Variants in PCSK5 observed in about 807,000 individuals in gnomAD.
The protein encoded by PCSK5 is prohormone convertase 5.
A neutral mutation model predicts 233.2 loss-of-function variants in PCSK5; 129 were observed. The ratio of observed to expected loss-of-function variants is 0.55; its 90% confidence interval spans 0.48 to 0.64. The LOEUF (loss-of-function observed/expected upper bound fraction) is 0.64, where lower values mean the gene tolerates loss of function less well. PCSK5 is among the 30% of genes least tolerant of loss of function. PCSK5 has a pLI of 0.00. For synonymous variants in PCSK5, 825 were observed against 879.2 expected (o/e 0.94, Z 1.09); for missense variants, 2,076 against 2,430.1 (o/e 0.85, Z 3.06).
chr9:75,952,508 C>G (rs978251112), intron 2 of PCSK5, among the ~76,000 whole-genome samples: 6 of 152,246 alleles, frequency 3.9e-5, no homozygotes, highest in East Asian at 1.9e-4. Context: ...TTGGACAGTT[C>G]TGTTGAATTT....
At chr9:76,063,319 C>CTTTTTTTTTTTT (rs1157596601) in intron 5 of PCSK5, among the ~76,000 whole-genome samples, 11 of 59,676 alleles carry the variant, frequency 1.8e-4, no homozygotes, top group African/African-American at 2.6e-4. Context: ...TTTCTTTTTT[C>CTTTTTTTTTTTT]TTTTTTTTTT....
At chr9:76,171,689 A>G (rs1823337538) in intron 13 of PCSK5, among the ~76,000 whole-genome samples, 1 of 152,132 alleles carries the variant, frequency 6.6e-6, no homozygotes, top group African/African-American at 2.4e-5. Flanking sequence ...AGAGTTACCT[A>G]TTTCATAGCA....
chr9:76,074,538 A>G (rs1307399776), intron 7 of PCSK5, among the ~76,000 whole-genome samples: 1 of 152,200 alleles, frequency 6.6e-6, no homozygotes, highest in Non-Finnish European at 1.5e-5. Flanking sequence ...TTTTCATGTG[A>G]TGAGGTCAAG....
rs577656529 is a variant in PCSK5 at position 76,193,142 on chromosome 9, C to G, written c.2626+3396C>G. 5 of 1,069,060 alleles carry G rather than the reference C, an allele frequency of 4.7e-6. No individual in the cohort carries two copies. In the Admixed American group the frequency reaches 7.9e-5, roughly 17 times the overall value. 66.2% of individuals were successfully genotyped at this position (1,069,060 alleles called of 1,614,324 possible). Reference sequence around the variant, plus strand: ...AATGATCTCTTCCAATTCCCCAAATCTGCCTCTCTGGCCAATCACAACCTT... The same window carrying G: ...AATGATCTCTTCCAATTCCCCAAATGTGCCTCTCTGGCCAATCACAACCTT... On this transcript the variant is annotated intron_variant, in intron 20 of 37. Coordinates refer to ENST00000674117, the MANE Select transcript of PCSK5 (RefSeq NM_001372043.1).
chr9:75,923,802 G>C (rs993237562), intron 1 of PCSK5, among the ~76,000 whole-genome samples: 11 of 152,148 alleles, frequency 7.2e-5, no homozygotes, highest in African/African-American at 2.4e-4. Flanking sequence ...AGGAGACTTT[G>C]TTTCCTTGCT....
intron 20 of PCSK5, chr9:76,193,178 T>A: frequency 5.4e-6 from 8 of 1,475,088 alleles, no homozygotes; most frequent in Non-Finnish European, 7.5e-6. Context: ...CTTCCATGTG[T>A]GTACATCATG....
rs532472292 is a variant in PCSK5, at chr9:75,940,986, A to C, written c.297+8503A>C. ...TCTTAACATGGCTTACATTTCTGCC[A>C]TGCCTCTTCATTAATTGTGGCCATG... is the stretch of plus-strand genomic sequence containing the variant. On this transcript the variant is annotated intron_variant, in intron 2 of 37. Coordinates refer to ENST00000674117, the MANE Select transcript of PCSK5 (RefSeq NM_001372043.1). Among the ~76,000 whole-genome samples the C allele has an allele frequency of 1.1e-4, 16 of 152,308 alleles. No homozygotes were observed. In the South Asian group the frequency reaches 3.3e-3, roughly 32 times the overall value.
chr9:76,214,503 G>C (rs1457253946), intron 20 of PCSK5, among the ~76,000 whole-genome samples: 1 of 152,064 alleles, frequency 6.6e-6, no homozygotes, highest in African/African-American at 2.4e-5. Context: ...CCCAGCTCTG[G>C]CAACAGCTAG....
chr9:76,118,474 T>A (rs1832515598), intron 9 of PCSK5, among the ~76,000 whole-genome samples: 1 of 152,052 alleles, frequency 6.6e-6, no homozygotes, highest in Non-Finnish European at 1.5e-5. Context: ...GTCTTTGAAA[T>A]CCAAAAGATT....
intron 2 of PCSK5, among the ~76,000 whole-genome samples, chr9:75,969,399 C>T (rs1273558746): frequency 6.6e-6 from 1 of 152,122 alleles, no homozygotes; most frequent in Non-Finnish European, 1.5e-5. Context: ...CATTGATTGG[C>T]CTTACTGCTT....
chr9:75,952,736 T>G (rs1824922351), intron 2 of PCSK5, among the ~76,000 whole-genome samples: 1 of 152,200 alleles, frequency 6.6e-6, no homozygotes, highest in South Asian at 2.1e-4. Context: ...CTTTTGAGTC[T>G]GCATTTTTGC....
At chr9:76,136,194 T>C (rs902003308) in intron 10 of PCSK5, among the ~76,000 whole-genome samples, 3 of 151,822 alleles carry the variant, frequency 2.0e-5, no homozygotes, top group Non-Finnish European at 2.9e-5. Flanking sequence ...GTCCCGTATT[T>C]CATCTAAACA....
intron 20 of PCSK5, among the ~76,000 whole-genome samples, chr9:76,210,555 T>C (rs1268886381): frequency 6.6e-6 from 1 of 152,148 alleles, no homozygotes; most frequent in Non-Finnish European, 1.5e-5. Flanking sequence ...AGGTGAGCAA[T>C]AGAGGATGAG....
intron 24 of PCSK5, among the ~76,000 whole-genome samples, chr9:76,288,531 A>C (rs1247408040): frequency 1.3e-5 from 2 of 152,218 alleles, no homozygotes; most frequent in Non-Finnish European, 2.9e-5. Flanking sequence ...CAGAAGGATC[A>C]CTTGGGATCA....
chr9:76,257,659 G>T (rs1307518886), intron 24 of PCSK5, among the ~76,000 whole-genome samples: 1 of 152,154 alleles, frequency 6.6e-6, no homozygotes, highest in Non-Finnish European at 1.5e-5. Flanking sequence ...GGGACTAAAC[G>T]CTGCGGCAAG....
chr9:75,928,800 A>G (rs1384016018), intron 1 of PCSK5, among the ~76,000 whole-genome samples: 1 of 151,552 alleles, frequency 6.6e-6, no homozygotes, highest in Admixed American at 6.6e-5. Flanking sequence ...TGGTACTGCA[A>G]TTAAGGTAGA....
intron 8 of PCSK5, among the ~76,000 whole-genome samples, chr9:76,102,639 T>A (rs557399869): frequency 6.6e-6 from 1 of 152,300 alleles, no homozygotes; most frequent in East Asian, 1.9e-4. Context: ...TGGTCCCAAC[T>A]ATTTTGGGTA....
rs1269602572 is a variant in PCSK5 at position 76,169,747 on chromosome 9, A to G, written c.1663A>G (p.Met555Val). The G allele has an allele frequency of 6.2e-7, 1 of 1,613,290 alleles. No homozygotes were observed. Among genetic ancestry groups the G allele is most frequent in the Non-Finnish European group, 8.5e-7 (1 of 1,179,360 alleles). Residue 555 changes from methionine (M) to valine (V), a missense_variant, in exon 13 of 38, where the codon ATG becomes GTG. Met to Val is a conservative substitution (Grantham distance 21). Around this residue, in one of 6 missense-constraint regions of PCSK5, gnomAD observed 50 missense variants for 104.7 expected, o/e 0.48. Coordinates refer to ENST00000674117, the MANE Select transcript of PCSK5 (RefSeq NM_001372043.1). ...GGAAGGATTCAAAAACTGGGAGTTC[A>G]TGACCATTCATTGCTGGGGAGAAAG... The part of the protein sequence containing the change: ...SMEGFKNWEF[M>V]TIHCWGERAA...
intron 5 of PCSK5, among the ~76,000 whole-genome samples, chr9:76,053,418 A>G (rs546900002): frequency 1.3e-5 from 2 of 152,156 alleles, no homozygotes; most frequent in East Asian, 1.9e-4. Flanking sequence ...GTGGGCTTGA[A>G]TTTCTCCCCG....
Sources: allele counts gnomAD v4.1 joint callset (sites outside exome capture counted in the v4.1 genomes callset), GRCh38; gene constraint gnomAD v4.1.1; regional missense constraint gnomAD v4.1.1; transcripts MANE v1.5; gene names NCBI Gene and HGNC (gene_info 2026-07-23, HGNC 2026-07-21).